The following SLC25A21 variants were observed in gnomAD, a reference collection of about 807,000 sequenced individuals.
SLC25A21 encodes mitochondrial 2-oxodicarboxylate carrier.
A neutral mutation model predicts 43.8 loss-of-function variants in SLC25A21; 47 were observed. The ratio of observed to expected loss-of-function variants is 1.07; its 90% confidence interval spans 0.85 to 1.37. The LOEUF is 1.37. SLC25A21 is among the 40% of genes most tolerant of loss of function. The pLI, the probability that SLC25A21 is intolerant of heterozygous loss-of-function variation, is 0.00. For missense variants in SLC25A21, 352 were observed against 350.2 expected, an observed-to-expected ratio of 1.00 and a Z score of -0.04; for synonymous variants, 131 against 121.3, an observed-to-expected ratio of 1.08 and a Z score of -0.52.
Position 36,776,850 on chromosome 14 carries a change from T to G in SLC25A21, c.203+37068A>C, listed in dbSNP as rs182180365. 2.0e-5 allele frequency among the ~76,000 whole-genome samples: 3 copies of G among 152,286 alleles called. No individual in the cohort carries two copies. The East Asian group carries it at 5.8e-4, about 29-fold the overall frequency. ...CTTCACATCTATTTACCTTCACACA[T>G]CCTGTCTCAGAGAATTAGAGATACC... On this transcript the variant is annotated intron_variant, in intron 3 of 9. Coordinates refer to ENST00000331299, the MANE Select transcript of SLC25A21 (RefSeq NM_030631.4).
rs549307213 is a variant in SLC25A21, at chr14:37,084,599, T to C, written c.70+87682A>G. On this transcript the variant is annotated intron_variant, in intron 1 of 9. Transcript: ENST00000331299. ...GTTATTTGTCCTTCCATAAACATTA[T>C]ATTCTACATGAAAGCTAATTTGGAG... is the stretch of plus-strand genomic sequence containing the variant. Among the ~76,000 whole-genome samples, 222 of 152,384 alleles carry C rather than the reference T, an allele frequency of 1.5e-3. 2 individuals are homozygous for C. The highest frequency in any genetic ancestry group is 4.4e-3 in the African/African-American group (182 of 41,600).
rs17106396 is a variant in SLC25A21 at position 37,127,801 on chromosome 14, A to G, written c.70+44480T>C. The stretch of plus-strand genomic sequence containing the variant: ...GCCAGAAGTGGACTTCAACCAACAT[A>G]ATTTTTCATTCCAGTTTTAGATGGT... On this transcript the variant is annotated intron_variant, in intron 1 of 9. Coordinates refer to ENST00000331299, the MANE Select transcript of SLC25A21 (RefSeq NM_030631.4). Among the ~76,000 whole-genome samples the G allele has an allele frequency of 0.016, 2,424 of 152,258 alleles. 183 individuals are homozygous for G. In the East Asian group the frequency reaches 0.26, roughly 16 times the overall value.
intron 1 of SLC25A21, among the ~76,000 whole-genome samples, chr14:37,131,812 C>T (rs1036055755): frequency 5.9e-5 from 9 of 151,974 alleles, no homozygotes; most frequent in African/African-American, 2.2e-4. Context: ...TAGCTGGGAC[C>T]ACTGGTGCAT....
Position 37,099,987 on chromosome 14 carries a change from T to C in SLC25A21, c.70+72294A>G, listed in dbSNP as rs149001231. ...GCAGTTCTTCACATCCTCCTCTCCC[T>C]GGCAATTTCTATTCATTCCAGCTCA... On this transcript the variant is annotated intron_variant, in intron 1 of 9. Transcript: ENST00000331299. 6.3e-3 allele frequency among the ~76,000 whole-genome samples: 960 copies of C among 152,292 alleles called. 9 individuals are homozygous for C. The highest frequency in any genetic ancestry group is 0.02 in the African/African-American group (826 of 41,566).
At chr14:37,159,561 T>C (rs1392093273) in intron 1 of SLC25A21, among the ~76,000 whole-genome samples, 2 of 152,034 alleles carry the variant, frequency 1.3e-5, no homozygotes, top group Admixed American at 1.3e-4. Context: ...TCTCTCACAA[T>C]ATACAAAAAT....
intron 1 of SLC25A21, among the ~76,000 whole-genome samples, chr14:36,898,582 T>C (rs1461078651): frequency 3.3e-5 from 5 of 152,158 alleles, no homozygotes; most frequent in Admixed American, 3.3e-4. Context: ...ATGAACCTGG[T>C]ACCTCAGTTG....
intron 1 of SLC25A21, among the ~76,000 whole-genome samples, chr14:37,104,729 T>C (rs1448513505): frequency 1.3e-5 from 2 of 152,164 alleles, no homozygotes; most frequent in Non-Finnish European, 2.9e-5. Context: ...AGAAATTAAT[T>C]ATCTTGCTCA....
chr14:36,813,163 C>T (rs1888331870), intron 3 of SLC25A21, among the ~76,000 whole-genome samples: 1 of 152,006 alleles, frequency 6.6e-6, no homozygotes, highest in Non-Finnish European at 1.5e-5. Flanking sequence ...TTGCTGCACC[C>T]ATCAGCCAGT....
intron 1 of SLC25A21, among the ~76,000 whole-genome samples, chr14:36,951,497 T>C (rs1870327065): frequency 6.6e-6 from 1 of 152,182 alleles, no homozygotes; most frequent in African/African-American, 2.4e-5. Context: ...ATTCTAGCCA[T>C]GTTGCTGGAG....
chr14:37,152,054 G>C (rs1374687274), intron 1 of SLC25A21, among the ~76,000 whole-genome samples: 1 of 151,974 alleles, frequency 6.6e-6, no homozygotes, highest in Non-Finnish European at 1.5e-5. Flanking sequence ...AATAATAATA[G>C]AGATTATTTA....
At chr14:36,974,666 A>G (rs911766901) in intron 1 of SLC25A21, among the ~76,000 whole-genome samples, 1 of 152,196 alleles carries the variant, frequency 6.6e-6, no homozygotes, top group African/African-American at 2.4e-5. Context: ...GATAATTACT[A>G]TATTATGTTG....
intron 1 of SLC25A21, among the ~76,000 whole-genome samples, chr14:37,058,573 G>T (rs1246620440): frequency 1.3e-5 from 2 of 152,126 alleles, no homozygotes; most frequent in Admixed American, 1.3e-4. Context: ...GATGTCTAAG[G>T]CCTTTTCCAA....
intron 1 of SLC25A21, among the ~76,000 whole-genome samples, chr14:37,111,699 C>T (rs1436209016): frequency 6.6e-6 from 1 of 152,136 alleles, no homozygotes; most frequent in African/African-American, 2.4e-5. Flanking sequence ...CATATATTTA[C>T]TCTGGTTCAT....
At chr14:36,808,056 C>T (rs1242102276) in intron 3 of SLC25A21, among the ~76,000 whole-genome samples, 5 of 152,170 alleles carry the variant, frequency 3.3e-5, no homozygotes, top group Non-Finnish European at 5.9e-5. Flanking sequence ...GAAAACAAAT[C>T]GTGAAACTAA....
intron 1 of SLC25A21, among the ~76,000 whole-genome samples, chr14:37,019,174 A>C (rs1960929629): frequency 6.6e-6 from 1 of 151,998 alleles, no homozygotes; most frequent in Non-Finnish European, 1.5e-5. Flanking sequence ...CCAGCTCTCC[A>C]ACCTCATCTC....
intron 7 of SLC25A21, among the ~76,000 whole-genome samples, chr14:36,696,266 T>C (rs1485550718): frequency 1.3e-5 from 2 of 152,226 alleles, no homozygotes; most frequent in Admixed American, 6.5e-5. Flanking sequence ...GCTGACTTGA[T>C]CATGGTGGAT....
chr14:36,800,452 T>C (rs1438743768), intron 3 of SLC25A21, among the ~76,000 whole-genome samples: 1 of 152,186 alleles, frequency 6.6e-6, no homozygotes, highest in Non-Finnish European at 1.5e-5. Context: ...TGAAGGTACA[T>C]TATGTTAAGT....
At chr14:36,800,147 C>G (rs848091) in intron 3 of SLC25A21, among the ~76,000 whole-genome samples, 2 of 152,034 alleles carry the variant, frequency 1.3e-5, no homozygotes, top group South Asian at 4.1e-4. Flanking sequence ...ACATAATTCT[C>G]ATAGCTTTTT....
chr14:36,968,392 A>G (rs994958240), intron 1 of SLC25A21, among the ~76,000 whole-genome samples: 1 of 152,166 alleles, frequency 6.6e-6, no homozygotes, highest in Non-Finnish European at 1.5e-5. Flanking sequence ...TTATTATTAA[A>G]TGTAGTGGAG....
Sources: allele counts gnomAD v4.1 joint callset (sites outside exome capture counted in the v4.1 genomes callset), GRCh38; gene constraint gnomAD v4.1.1; transcripts MANE v1.5; gene names NCBI Gene and HGNC (gene_info 2026-07-23, HGNC 2026-07-21).